DNAH6: variants seen among roughly 807,000 people sequenced by gnomAD.
DNAH6 encodes the protein axonemal beta dynein heavy chain 6.
DNAH6 carries 340 observed loss-of-function variants against 491.4 expected under a neutral mutation model. The ratio of observed to expected loss-of-function variants is 0.69; its 90% confidence interval spans 0.63 to 0.76. DNAH6 has a LOEUF of 0.76. DNAH6 is among the 30% of genes least tolerant of loss of function. The pLI is 0.00. For missense variants in DNAH6, 4,443 were observed against 4,972.2 expected (o/e 0.89, Z 3.20); for synonymous variants, 1,603 against 1,686.1 (o/e 0.95, Z 1.21).
intron 4 of DNAH6, among the ~76,000 whole-genome samples, chr2:84,543,709 A>G (rs1678486152): frequency 6.6e-6 from 1 of 152,180 alleles, no homozygotes; most frequent in Non-Finnish European, 1.5e-5. Context: ...TGTCCATGAC[A>G]ACAGTTGAAA....
intron 52 of DNAH6, among the ~76,000 whole-genome samples, chr2:84,706,646 G>A (rs1348629637): frequency 6.6e-6 from 1 of 152,082 alleles, no homozygotes; most frequent in East Asian, 1.9e-4. Flanking sequence ...CATCCCAAAT[G>A]CTCAGTACAC....
intron 45 of DNAH6, among the ~76,000 whole-genome samples, chr2:84,689,667 A>G (rs1295754580): frequency 6.6e-6 from 1 of 152,170 alleles, no homozygotes; most frequent in Non-Finnish European, 1.5e-5. Flanking sequence ...ATACAGGCCC[A>G]CTCAAGGTCA....
chr2:84,707,136 G>A (rs1362458732), intron 53 of DNAH6, 117 bp downstream of exon 53: 71 of 1,174,184 alleles, frequency 6.0e-5, no homozygotes, highest in Middle Eastern at 3.0e-4. Flanking sequence ...ATTTTCATTA[G>A]CCTCCTAGGA....
At chr2:84,806,618 CAA>C (rs1162301447) in intron 71 of DNAH6, among the ~76,000 whole-genome samples, 2 of 38,500 alleles carry the variant, frequency 5.2e-5, no homozygotes, top group South Asian at 1.0e-3. Context: ...GACTCAGTCT[CAA>C]AAAAAAAAAA....
At chr2:84,729,214 T>A (rs1698924862) in intron 61 of DNAH6, among the ~76,000 whole-genome samples, 1 of 152,230 alleles carries the variant, frequency 6.6e-6, no homozygotes, top group Non-Finnish European at 1.5e-5. Context: ...ATCAACTCCC[T>A]TATTCCTCTC....
At chr2:84,505,264 A>T in the DNAH6 span, among the ~76,000 whole-genome samples, 8 of 152,098 alleles carry the variant, frequency 5.3e-5, no homozygotes, top group African/African-American at 1.9e-4. Context: ...ATTCTTTAAG[A>T]TTTTTATATA....
chr2:84,653,408 G>C lies in DNAH6; in HGVS notation c.5168G>C (p.Arg1723Thr), dbSNP rs1362633478. The C allele has an allele frequency of 6.4e-7, 1 of 1,551,042 alleles. No homozygotes were observed. Among genetic ancestry groups the C allele is most frequent in the Non-Finnish European group, 8.7e-7 (1 of 1,146,580 alleles). Reference protein sequence around the residue: ...LQSTIVDVMNRQNLQPEMCMV... With the variant: ...LQSTIVDVMNTQNLQPEMCMV... ...TCAACAATTGTGGATGTCATGAATAGACAAAATCTTCAGCCTGAGATGTGT... is the reference window on the plus strand; with the variant it reads ...TCAACAATTGTGGATGTCATGAATACACAAAATCTTCAGCCTGAGATGTGT... Residue 1723 changes from arginine (R) to threonine (T), a missense_variant, in exon 34 of 77, where the codon AGA (arginine) becomes ACA (threonine). Physicochemically the swap from Arg to Thr is moderately conservative, Grantham distance 71 (BLOSUM62 -1). Transcript: ENST00000389394.
chr2:84,600,158 T>G (rs1685078273), intron 18 of DNAH6, among the ~76,000 whole-genome samples: 1 of 152,182 alleles, frequency 6.6e-6, no homozygotes, highest in African/African-American at 2.4e-5. Context: ...AGTGTTGAAC[T>G]CTCTAACTAT....
At chr2:84,611,937 C>G (rs1686381508) in intron 22 of DNAH6, 83 bp downstream of exon 22, 2 of 1,234,224 alleles carry the variant, frequency 1.6e-6, no homozygotes, top group Non-Finnish European at 2.2e-6. Context: ...AAATGTTTCT[C>G]TGGGAATCTA....
intron 64 of DNAH6, among the ~76,000 whole-genome samples, chr2:84,764,250 T>C (rs1674861436): frequency 6.6e-6 from 1 of 152,188 alleles, no homozygotes; most frequent in South Asian, 2.1e-4. Context: ...AACAAAGTAT[T>C]ACTACAGACT....
At position 84,787,847 on chromosome 2, in the gene DNAH6, T is replaced by C. The variant is rs1209211714; in HGVS notation, c.11239+545T>C. Among the ~76,000 whole-genome samples, 3 of 152,268 alleles carry C rather than the reference T, an allele frequency of 2.0e-5. No homozygotes were observed. The East Asian group carries it at 5.8e-4, about 29-fold the overall frequency. On this transcript the variant is annotated intron_variant, in intron 68 of 76. Transcript: ENST00000389394. ...TTAAATTTTTGGTAAATATTAACTG[T>C]GACTACATAGGGATCTTGTTGCCAA...
At chr2:84,586,879 A>G (rs138422644) in intron 15 of DNAH6, among the ~76,000 whole-genome samples, 16 of 152,294 alleles carry the variant, frequency 1.1e-4, no homozygotes, top group South Asian at 4.1e-4. Context: ...ATGAATATCT[A>G]TGTATACATA....
At chr2:84,707,148 C>A in intron 53 of DNAH6, 129 bp downstream of exon 53, 1 of 1,049,292 alleles carries the variant, frequency 9.5e-7, no homozygotes, top group Non-Finnish European at 1.3e-6. Context: ...CTCCTAGGAT[C>A]AAATAAGAAC....
intron 29 of DNAH6, 92 bp downstream of exon 29, chr2:84,625,155 G>A: frequency 8.5e-7 from 1 of 1,175,104 alleles, no homozygotes; most frequent in Non-Finnish European, 1.1e-6. Flanking sequence ...CAAGAATGGA[G>A]TGATGACAAG....
intron 41 of DNAH6, among the ~76,000 whole-genome samples, chr2:84,680,671 TG>T (rs902286180): frequency 1.2e-4 from 18 of 149,266 alleles, no homozygotes; most frequent in African/African-American, 4.2e-4. Context: ...GGGGGAAGGG[TG>T]GACCAGCAGG....
chr2:84,579,915 C>T (rs1306587539), intron 14 of DNAH6, among the ~76,000 whole-genome samples: 2 of 152,172 alleles, frequency 1.3e-5, no homozygotes, highest in Non-Finnish European at 2.9e-5. Flanking sequence ...TTTTAATTCT[C>T]ACAAAAGCTT....
chr2:84,700,679 A>G (rs1383185076), intron 48 of DNAH6, among the ~76,000 whole-genome samples: 1 of 152,222 alleles, frequency 6.6e-6, no homozygotes, highest in African/African-American at 2.4e-5. Flanking sequence ...GAGTTCAAAG[A>G]AGCAAGAGAG....
intron 15 of DNAH6, chr2:84,584,901 A>G (rs1683382235): frequency 6.6e-6 from 1 of 152,382 alleles, no homozygotes; most frequent in African/African-American, 2.4e-5. Flanking sequence ...GAAAATTCCC[A>G]TTTAGAAAGA....
At chr2:84,804,205 CAAA>C (rs5832625) in intron 70 of DNAH6, among the ~76,000 whole-genome samples, 11 of 66,436 alleles carry the variant, frequency 1.7e-4, no homozygotes, top group East Asian at 3.9e-4. Context: ...GACTCCATCT[CAAA>C]AAAAAAAAAA....
Sources: gnomAD v4.1 joint callset for allele counts (sites outside exome capture counted in the v4.1 genomes callset) on GRCh38, gnomAD v4.1.1 for gene constraint, MANE v1.5 for transcripts, NCBI Gene and HGNC (gene_info 2026-07-23, HGNC 2026-07-21) for gene names.